The following GRIP1 variants were observed in gnomAD, a reference collection of about 807,000 sequenced individuals.
GRIP1 encodes the protein glutamate receptor interacting protein 1.
Under a neutral mutation model 129.9 loss-of-function variants are expected in GRIP1, and 45 were observed. The observed-to-expected ratio is 0.35, with a 90% CI of 0.27 to 0.44. The LOEUF is 0.44. Ranked by LOEUF, GRIP1 falls within the 20% of genes least tolerant of loss-of-function variation. GRIP1 has a pLI of 1.00. For synonymous variants in GRIP1, 530 were observed against 520.8 expected, an observed-to-expected ratio of 1.02 and a Z score of -0.24; for missense variants, 1,196 against 1,396.8, an observed-to-expected ratio of 0.86 and a Z score of 2.29.
At chr12:66,788,433 T>A (rs1365768343) in intron 1 of GRIP1, among the ~76,000 whole-genome samples, 4 of 152,010 alleles carry the variant, frequency 2.6e-5, no homozygotes, top group African/African-American at 9.7e-5. Context: ...CCTAGTATCC[T>A]CCTAGTGTTG....
chr12:66,853,027 T>C (rs1301803769), intron 1 of GRIP1, among the ~76,000 whole-genome samples: 1 of 151,816 alleles, frequency 6.6e-6, no homozygotes. Context: ...TCTCAGGCAA[T>C]TATTCTCCTT....
intron 1 of GRIP1, among the ~76,000 whole-genome samples, chr12:66,768,929 C>T (rs2037730529): frequency 1.3e-5 from 2 of 152,182 alleles, no homozygotes; most frequent in African/African-American, 4.8e-5. Flanking sequence ...AGTGTTTAAA[C>T]CTCCCCAGGT....
intron 1 of GRIP1, among the ~76,000 whole-genome samples, chr12:66,924,394 A>G (rs1349074674): frequency 6.6e-6 from 1 of 152,184 alleles, no homozygotes; most frequent in African/African-American, 2.4e-5. Context: ...CTATTGATAC[A>G]TATGTTGGGG....
intron 23 of GRIP1, among the ~76,000 whole-genome samples, chr12:66,369,740 C>T (rs549607407): frequency 6.6e-6 from 1 of 152,072 alleles, no homozygotes; most frequent in East Asian, 1.9e-4. Context: ...CACAGGTACC[C>T]GAGGGAACCC....
intron 1 of GRIP1, among the ~76,000 whole-genome samples, chr12:66,967,021 A>C (rs1009431998): frequency 6.6e-6 from 1 of 152,172 alleles, no homozygotes; most frequent in Admixed American, 6.6e-5. Context: ...TTTTGTATAG[A>C]TACACCACAA....
At chr12:66,933,432 T>C (rs1232345382) in intron 1 of GRIP1, among the ~76,000 whole-genome samples, 3 of 152,238 alleles carry the variant, frequency 2.0e-5, no homozygotes, top group Non-Finnish European at 2.9e-5. Context: ...AATATTAGCT[T>C]AACATTTTGT....
intron 1 of GRIP1, among the ~76,000 whole-genome samples, chr12:66,783,466 C>T (rs568662789): frequency 2.9e-4 from 44 of 152,274 alleles, no homozygotes; most frequent in African/African-American, 9.6e-4. Context: ...CAGTGGCACC[C>T]GCATTTTCCT....
chr12:66,362,903 GCAA>G (rs2054862358), intron 23 of GRIP1, among the ~76,000 whole-genome samples: 1 of 151,630 alleles, frequency 6.6e-6, no homozygotes, highest in Non-Finnish European at 1.5e-5. Context: ...AACGTGGATG[GCAA>G]CTTGTAGAAA....
At chr12:66,817,087 T>C (rs959027355) in intron 1 of GRIP1, among the ~76,000 whole-genome samples, 8 of 152,000 alleles carry the variant, frequency 5.3e-5, no homozygotes, top group Non-Finnish European at 1.2e-4. Flanking sequence ...ATTAAGCCTG[T>C]TTTTCAACTG....
At chr12:66,870,756 G>A in intron 1 of GRIP1, among the ~76,000 whole-genome samples, 1 of 152,076 alleles carries the variant, frequency 6.6e-6, no homozygotes, top group African/African-American at 2.4e-5. Flanking sequence ...ACAACAGGAT[G>A]TAAACTGTTT....
At position 66,783,697 on chromosome 12, in the gene GRIP1, AT is replaced by A. The variant is rs554976131; in HGVS notation, c.-420+20355del. Reference sequence around the variant, plus strand: ...TATCCACAGATATTTAAGATAAGGTATTCTAAATAGAGTCTAGGTAACCACT... The same window carrying A: ...TATCCACAGATATTTAAGATAAGGTATCTAAATAGAGTCTAGGTAACCACT... On this transcript the variant is annotated intron_variant, in intron 1 of 4. Transcript: ENST00000538373. Among the ~76,000 whole-genome samples, 117 of 152,284 alleles carry A rather than the reference AT, an allele frequency of 7.7e-4. 1 individual carries two copies. Among genetic ancestry groups the A allele is most frequent in the Middle Eastern group, 3.4e-3 (1 of 294 alleles).
chr12:66,391,268 C>G (rs184533061), intron 19 of GRIP1, among the ~76,000 whole-genome samples: 6 of 152,282 alleles, frequency 3.9e-5, no homozygotes, highest in Admixed American at 3.3e-4. Context: ...ACAAGGGATT[C>G]AGAGGCTGGA....
chr12:66,786,485 T>C (rs578008378), intron 1 of GRIP1, among the ~76,000 whole-genome samples: 53 of 152,306 alleles, frequency 3.5e-4, no homozygotes, highest in African/African-American at 1.3e-3. Flanking sequence ...CTAGTTAGGC[T>C]GTTGCTTTCT....
chr12:66,901,790 G>A (rs2040848180), intron 1 of GRIP1, among the ~76,000 whole-genome samples: 1 of 152,182 alleles, frequency 6.6e-6, no homozygotes, highest in Non-Finnish European at 1.5e-5. Flanking sequence ...GCAACAGGAA[G>A]GGCAAAGACC....
chr12:66,478,422 T>A (rs564428105), intron 7 of GRIP1, among the ~76,000 whole-genome samples: 2 of 152,302 alleles, frequency 1.3e-5, no homozygotes, highest in Non-Finnish European at 2.9e-5. Flanking sequence ...ACTTTTACAC[T>A]GTTGGTGGGA....
intron 1 of GRIP1, among the ~76,000 whole-genome samples, chr12:66,865,413 T>G (rs1333100965): frequency 2.6e-5 from 4 of 151,880 alleles, no homozygotes; most frequent in Non-Finnish European, 5.9e-5. Flanking sequence ...ACGCTTTCCT[T>G]AAGAGTAAGA....
At chr12:66,919,840 T>A (rs541013517) in intron 1 of GRIP1, among the ~76,000 whole-genome samples, 1 of 152,288 alleles carries the variant, frequency 6.6e-6, no homozygotes, top group South Asian at 2.1e-4. Context: ...ATTATAAATT[T>A]TTGTTAAATG....
In GRIP1 at chr12:66,377,279, T is replaced by A; in HGVS notation, c.2628A>T (p.Ala876=). ...DWDRSTASGF[A]GAADSAETEQ... Reference sequence around the variant, plus strand: ...CTGTCTCTGCACTATCGGCAGCCCCTGCAAAACTGTTGTCAAGAAACACAG... The same window carrying A: ...CTGTCTCTGCACTATCGGCAGCCCCAGCAAAACTGTTGTCAAGAAACACAG... Residue 876 remains alanine (A), a synonymous_variant, in exon 21 of 25, where the codon GCA becomes GCT. Coordinates refer to ENST00000359742, the MANE Select transcript of GRIP1 (RefSeq NM_001366722.1). The A allele has an allele frequency of 6.2e-7, 1 of 1,603,424 alleles. No individual in the cohort carries two copies. The highest frequency in any genetic ancestry group is 8.5e-7 in the Non-Finnish European group (1 of 1,170,424).
intron 2 of GRIP1, among the ~76,000 whole-genome samples, chr12:66,584,278 G>T (rs1173366232): frequency 3.3e-5 from 5 of 151,076 alleles, no homozygotes; most frequent in Non-Finnish European, 7.4e-5. Flanking sequence ...GAGGTGGGAG[G>T]GATAGCATTG....
Sources: allele counts gnomAD v4.1 joint callset (sites outside exome capture counted in the v4.1 genomes callset), GRCh38; gene constraint gnomAD v4.1.1; transcripts MANE v1.5; gene names NCBI Gene and HGNC (gene_info 2026-07-23, HGNC 2026-07-21).